Variants in COMMD10 observed in about 807,000 individuals in gnomAD.
The protein encoded by COMMD10 is COMM domain-containing protein 10.
A neutral mutation model predicts 28.9 loss-of-function variants in COMMD10; 33 were observed. That is an observed-to-expected ratio of 1.14 (90% CI 0.87 to 1.53). COMMD10 has a LOEUF of 1.53. Ranked by LOEUF, COMMD10 falls within the 40% of genes most tolerant of loss-of-function variation. COMMD10 has a pLI of 0.00. For missense variants in COMMD10, 310 were observed against 233.4 expected (o/e 1.33, Z -2.14); for synonymous variants, 110 against 81.7 (o/e 1.35, Z -1.87).
intron 5 of COMMD10, among the ~76,000 whole-genome samples, chr5:116,247,578 G>C (rs565332668): frequency 6.7e-6 from 1 of 149,786 alleles, no homozygotes; most frequent in African/African-American, 2.4e-5. Flanking sequence ...CTAAACGCCT[G>C]TCACTGGATA....
At chr5:116,178,932 T>G (rs550015259) in intron 5 of COMMD10, among the ~76,000 whole-genome samples, 26 of 152,246 alleles carry the variant, frequency 1.7e-4, no homozygotes, top group African/African-American at 6.0e-4. Flanking sequence ...TACATGTTAT[T>G]TAATAATATA....
At chr5:116,252,629 T>C (rs1416764927) in intron 5 of COMMD10, among the ~76,000 whole-genome samples, 1 of 124,974 alleles carries the variant, frequency 8.0e-6, no homozygotes, top group Non-Finnish European at 1.7e-5. Context: ...GCATTATTTC[T>C]GAGGGCTCTG....
intron 5 of COMMD10, among the ~76,000 whole-genome samples, chr5:116,257,314 G>A (rs921894856): frequency 6.6e-6 from 1 of 151,610 alleles, no homozygotes; most frequent in African/African-American, 2.4e-5. Flanking sequence ...CCTTTACAAA[G>A]GGCCTTTATA....
intron 5 of COMMD10, among the ~76,000 whole-genome samples, chr5:116,209,030 T>G (rs560518262): frequency 1.3e-5 from 2 of 152,264 alleles, no homozygotes; most frequent in East Asian, 3.9e-4. Flanking sequence ...TTCTTTGTTC[T>G]TGGTGTACTA....
chr5:116,251,386 C>T (rs949335381), intron 5 of COMMD10, among the ~76,000 whole-genome samples: 1 of 146,620 alleles, frequency 6.8e-6, no homozygotes, highest in African/African-American at 2.5e-5. Flanking sequence ...TGGTGTGCTG[C>T]ACCCACTAAC....
chr5:116,211,008 G>A (rs1036975131), intron 5 of COMMD10, among the ~76,000 whole-genome samples: 1 of 151,662 alleles, frequency 6.6e-6, no homozygotes, highest in African/African-American at 2.4e-5. Flanking sequence ...ATATTATTTC[G>A]GTTTTTATTA....
In COMMD10 at chr5:116,190,532, T is replaced by G. The variant is rs377035929; in HGVS notation, c.510+56354T>G. 2.0e-3 allele frequency among the ~76,000 whole-genome samples: 310 copies of G among 152,326 alleles called. 12 individuals are homozygous for G. The South Asian group carries it at 0.06, about 30-fold the overall frequency. On this transcript the variant is annotated intron_variant, in intron 5 of 6. Transcript: ENST00000274458. ...CCTACAGTTTCAGTTCCATAACCCA[T>G]TACACTGCTTTTTTGCCTATGCCAG...
At chr5:116,105,906 C>T (rs1750820804) in intron 4 of COMMD10, among the ~76,000 whole-genome samples, 1 of 148,378 alleles carries the variant, frequency 6.7e-6, no homozygotes, top group African/African-American at 2.6e-5. Context: ...TTTCAAAAAA[C>T]CAGCTCCTGG....
intron 5 of COMMD10, among the ~76,000 whole-genome samples, chr5:116,285,491 G>A (rs967752679): frequency 1.3e-5 from 2 of 151,904 alleles, no homozygotes; most frequent in African/African-American, 2.4e-5. Context: ...AAATAGACAT[G>A]AAACACTTAC....
chr5:116,092,584 C>T lies in COMMD10; in HGVS notation c.283C>T (p.Gln95Ter), dbSNP rs1203697012. The T allele has an allele frequency of 1.9e-6, 3 of 1,609,442 alleles. No homozygotes were observed. Among genetic ancestry groups the T allele is most frequent in the Admixed American group, 3.4e-5 (2 of 59,254 alleles). The change falls in exon 4 of 7, where the codon CAA becomes TAA. Residue 95 changes from glutamine (Q) to a stop codon, truncating the protein, a stop_gained. Coordinates refer to ENST00000274458, the MANE Select transcript of COMMD10 (RefSeq NM_016144.4). LOFTEE classifies it high-confidence loss of function. ...HNVKPAALQQ[Q>*]LENIHLRQDK... ...TGTGAAGCCAGCAGCTTTGCAGCAG[C>T]AATTAGAGAACATTCATCTTAGACA...
At chr5:116,135,054 G>T (rs945043724) in intron 5 of COMMD10, among the ~76,000 whole-genome samples, 2 of 152,098 alleles carry the variant, frequency 1.3e-5, no homozygotes, top group African/African-American at 4.8e-5. Context: ...ATATCTTTCA[G>T]ATATGATAAG....
At chr5:116,104,108 T>G (rs952609991) in intron 4 of COMMD10, among the ~76,000 whole-genome samples, 1 of 152,220 alleles carries the variant, frequency 6.6e-6, no homozygotes, top group African/African-American at 2.4e-5. Context: ...TTCTTTTGCT[T>G]AGGATTGTCT....
chr5:116,110,463 T>G (rs1458281161), intron 4 of COMMD10, among the ~76,000 whole-genome samples: 1 of 152,216 alleles, frequency 6.6e-6, no homozygotes, highest in African/African-American at 2.4e-5. Context: ...TTTGTATGTT[T>G]GGCAGAATTC....
intron 5 of COMMD10, among the ~76,000 whole-genome samples, chr5:116,254,770 T>C (rs1303109562): frequency 6.6e-6 from 1 of 151,762 alleles, no homozygotes; most frequent in East Asian, 1.9e-4. Context: ...AAAATGTATA[T>C]TCTGTTGATT....
rs139270771 is a variant in COMMD10 at position 116,292,738 on chromosome 5, A to G, written c.*249A>G. 115 of 417,312 alleles carry G rather than the reference A, an allele frequency of 2.8e-4. No homozygotes were observed. In the East Asian group the frequency reaches 3.5e-3, roughly 13 times the overall value. The allele number at this position is 417,312 out of a possible 1,614,324, so 25.9% of individuals were successfully genotyped here. A position where few individuals can be genotyped will look rare whatever the true frequency, so the allele number is the denominator to read the frequency against. ...GAACACTTTCCCTTTAAAGGAAACA[A>G]AAGTGAATACCATATTGTTTTTACT... On this transcript the variant is annotated 3_prime_UTR_variant, in exon 7 of 7. Coordinates refer to ENST00000274458, the MANE Select transcript of COMMD10 (RefSeq NM_016144.4).
chr5:116,172,420 G>A (rs540471206), intron 5 of COMMD10, among the ~76,000 whole-genome samples: 3 of 152,208 alleles, frequency 2.0e-5, no homozygotes, highest in African/African-American at 7.2e-5. Flanking sequence ...CTGCCTCTTT[G>A]TCTCTAAATG....
chr5:116,085,344 C>A, intron 1 of COMMD10: 1 of 487,076 alleles, frequency 2.1e-6, no homozygotes, highest in Non-Finnish European at 3.6e-6. Context: ...TGTACGGAAG[C>A]GTGTGGTCTG....
At chr5:116,175,563 T>G (rs905734100) in intron 5 of COMMD10, among the ~76,000 whole-genome samples, 1 of 152,142 alleles carries the variant, frequency 6.6e-6, no homozygotes, top group African/African-American at 2.4e-5. Context: ...ACTCAGATAT[T>G]TATCCACCCA....
intron 5 of COMMD10, among the ~76,000 whole-genome samples, chr5:116,168,983 G>A (rs1300892052): frequency 6.6e-6 from 1 of 151,966 alleles, no homozygotes; most frequent in South Asian, 2.1e-4. Flanking sequence ...TAAGATCAGA[G>A]TAGAACGAAA....
Sources: allele counts gnomAD v4.1 joint callset (sites outside exome capture counted in the v4.1 genomes callset), GRCh38; gene constraint gnomAD v4.1.1; transcripts MANE v1.5; gene names NCBI Gene and HGNC (gene_info 2026-07-23, HGNC 2026-07-21).